The following ALDH5A1 variants were observed in gnomAD, a reference collection of about 807,000 sequenced individuals.
ALDH5A1 encodes succinate-semialdehyde dehydrogenase, mitochondrial.
Under a neutral mutation model 54.7 loss-of-function variants are expected in ALDH5A1, and 33 were observed. That is an observed-to-expected ratio of 0.60 (90% CI 0.46 to 0.81). ALDH5A1 has a LOEUF of 0.81. Ranked by LOEUF, ALDH5A1 falls within the 30% of genes least tolerant of loss-of-function variation. The pLI, the probability that ALDH5A1 is intolerant of heterozygous loss-of-function variation, is 0.00. For missense variants in ALDH5A1, 657 were observed against 711.0 expected (o/e 0.92, Z 0.86); for synonymous variants, 294 against 292.7 (o/e 1.00, Z -0.05).
chr6:24,522,903 T>G lies in ALDH5A1; in HGVS notation c.1151T>G (p.Ile384Ser). ...GAAGGAACTACTCAGGGCCCATTAA[T>G]TAATGAAAAAGCGGTAGAAAAGGTA... ...FEEGTTQGPL[I>S]NEKAVEKVEK... is the part of the protein sequence containing the mutation. The change falls in exon 7 of 10, where the codon ATT becomes AGT. Residue 384 changes from isoleucine to serine, a missense_variant. By Grantham distance (142) the Ile-to-Ser change is moderately radical. Transcript: ENST00000357578. The G allele has an allele frequency of 6.2e-7, 1 of 1,614,008 alleles. No homozygotes were observed. The highest frequency in any genetic ancestry group is 1.1e-5 in the South Asian group (1 of 91,070).
At chr6:24,521,630 C>T (rs1300272552) in intron 6 of ALDH5A1, among the ~76,000 whole-genome samples, 1 of 152,188 alleles carries the variant, frequency 6.6e-6, no homozygotes, top group African/African-American at 2.4e-5. Context: ...TTCCCTTCCA[C>T]ATAACCTAAA....
chr6:24,497,319 G>A, intron 1 of ALDH5A1, among the ~76,000 whole-genome samples: 1 of 149,770 alleles, frequency 6.7e-6, no homozygotes, highest in East Asian at 1.9e-4. Flanking sequence ...CTGCTGATTG[G>A]TGCGTTTTAC....
At chr6:24,522,957 T>C (rs1428151584) in intron 7 of ALDH5A1, 32 bp downstream of exon 7, 1 of 1,606,144 alleles carries the variant, frequency 6.2e-7, no homozygotes, top group East Asian at 2.2e-5. Context: ...TGAAAGTAAA[T>C]TTCATGGTTT....
At chr6:24,531,672 C>T (rs1759938938) in intron 8 of ALDH5A1, among the ~76,000 whole-genome samples, 1 of 152,190 alleles carries the variant, frequency 6.6e-6, no homozygotes, top group Non-Finnish European at 1.5e-5. Flanking sequence ...CTCCAAGCAT[C>T]GTGCCATTGT....
Position 24,534,097 on chromosome 6 carries a change from G to C in ALDH5A1, c.*385G>C, listed in dbSNP as rs13218365. ...TCCCCCATGTCGCTACAGAACATGG[G>C]CCCAGAGCACCTTGAAGGAGACCCT... On this transcript the variant is annotated 3_prime_UTR_variant, in exon 10 of 10. Coordinates refer to ENST00000357578, the MANE Select transcript of ALDH5A1 (RefSeq NM_001080.3). 12,795 of 251,786 alleles carry C rather than the reference G, an allele frequency of 0.051. 440 individuals are homozygous for C. The highest frequency in any genetic ancestry group is 0.069 in the Non-Finnish European group (8,858 of 128,094). The allele number at this position is 251,786 out of a possible 1,614,324, so 15.6% of individuals were successfully genotyped here.
At chr6:24,527,434 C>T (rs1389324246) in intron 7 of ALDH5A1, among the ~76,000 whole-genome samples, 1 of 151,864 alleles carries the variant, frequency 6.6e-6, no homozygotes. Flanking sequence ...TAGCCGGGCG[C>T]GGTGGTGGGT....
chr6:24,518,250 A>T lies in ALDH5A1; in HGVS notation c.871-2151A>T, dbSNP rs996599081. Among the ~76,000 whole-genome samples, 4 of 152,222 alleles carry T rather than the reference A, an allele frequency of 2.6e-5. No individual in the cohort carries two copies. The highest frequency in any genetic ancestry group is 9.6e-5 in the African/African-American group (4 of 41,464). Reference sequence around the variant, plus strand: ...AAGAAAGGTAGGCTGGGCCAATCACATGCTGTCTTTGGAAGCTGAGGCCCT... The same window carrying T: ...AAGAAAGGTAGGCTGGGCCAATCACTTGCTGTCTTTGGAAGCTGAGGCCCT... On this transcript the variant is annotated intron_variant, in intron 5 of 9. Coordinates refer to ENST00000357578, the MANE Select transcript of ALDH5A1 (RefSeq NM_001080.3). This position sits in a 1 kb window ranked among gnomAD's most constrained non-coding sequence, Gnocchi z 4.2.
At chr6:24,527,934 G>A in intron 7 of ALDH5A1, 63 bp from the exon 8 acceptor site, 1 of 1,577,554 alleles carries the variant, frequency 6.3e-7, no homozygotes, top group Non-Finnish European at 8.7e-7. Flanking sequence ...ATAGTTTTCT[G>A]CAGTTTAAAC....
At chr6:24,526,453 A>C (rs1759798728) in intron 7 of ALDH5A1, among the ~76,000 whole-genome samples, 1 of 152,118 alleles carries the variant, frequency 6.6e-6, no homozygotes, top group Non-Finnish European at 1.5e-5. Context: ...TTAAAGTATA[A>C]TAATAATAAA....
Position 24,520,408 on chromosome 6 carries a change from T to C in ALDH5A1, c.878T>C (p.Leu293Ser). The change falls in exon 6 of 10, where the codon TTG (leucine) becomes TCG (serine). Residue 293 changes from leucine (L) to serine (S), a missense_variant. Leu to Ser is a moderately radical substitution (Grantham distance 145, BLOSUM62 -2). Around this residue, in one of 2 missense-constraint regions of ALDH5A1, gnomAD observed 425 missense variants for 516.4 expected, o/e 0.82. Coordinates refer to ENST00000357578, the MANE Select transcript of ALDH5A1 (RefSeq NM_001080.3). Reference protein sequence around the residue: ...TGSTTTGKILLHHAANSVKRV... With the variant: ...TGSTTTGKILSHHAANSVKRV... ...TCTCTCCTCTGCTCACAGATCCTGT[T>C]GCACCACGCAGCAAACTCTGTGAAA... is the stretch of plus-strand genomic sequence containing the variant. 1.9e-6 allele frequency: 3 copies of C among 1,614,116 alleles called. No homozygotes were observed. Among genetic ancestry groups the C allele is most frequent in the African/African-American group, 1.3e-5 (1 of 75,042 alleles).
At chr6:24,515,777 T>G (rs1177850608) in intron 5 of ALDH5A1, among the ~76,000 whole-genome samples, 1 of 152,168 alleles carries the variant, frequency 6.6e-6, no homozygotes, top group Non-Finnish European at 1.5e-5. Flanking sequence ...TGGGGATATT[T>G]TGGACAGTTC....
intron 1 of ALDH5A1, among the ~76,000 whole-genome samples, chr6:24,499,819 C>T (rs552790745): frequency 3.7e-4 from 56 of 152,196 alleles, no homozygotes; most frequent in African/African-American, 8.4e-4. Context: ...CCACCATGCC[C>T]GGGTAATTTT....
Position 24,506,243 on chromosome 6 carries a change from C to CTTTT in ALDH5A1, c.726+1285_726+1288dup, listed in dbSNP as rs70974913. 5.8e-4 allele frequency among the ~76,000 whole-genome samples: 30 copies of CTTTT among 52,160 alleles called. 7 individuals are homozygous for CTTTT. Among genetic ancestry groups the CTTTT allele is most frequent in the African/African-American group, 5.9e-4 (8 of 13,534 alleles). 34.2% of individuals were successfully genotyped at this position (52,160 alleles called of 152,430 possible). A position where few individuals can be genotyped will look rare whatever the true frequency, so the allele number is the denominator to read the frequency against. ...TCTGCACCTCCTTCTTTCCTGGTTC[C>CTTTT]TTTTTTTTTTTTTTTTTTTTTTTTT... On this transcript the variant is annotated intron_variant, in intron 4 of 9. Coordinates refer to ENST00000357578, the MANE Select transcript of ALDH5A1 (RefSeq NM_001080.3).
Position 24,502,545 on chromosome 6 carries a change from A to T in ALDH5A1, c.377A>T (p.Lys126Met). ...SAKERSSLLR[K>M]WYNLMIQNKD... ...CAGGAGAGGAGTTCATTACTTCGGA[A>T]GTGGTACAATTTAATGATACAAAAT... The change falls in exon 2 of 10, where the codon AAG (lysine) becomes ATG (methionine). Residue 126 changes from lysine to methionine, a missense_variant. This residue lies in a region of ALDH5A1 where 232 missense variants were observed against 194.6 expected (regional missense o/e 1.19). Transcript: ENST00000357578. 6.2e-7 allele frequency: 1 copy of T among 1,613,146 alleles called. No individual in the cohort carries two copies. The highest frequency in any genetic ancestry group is 8.5e-7 in the Non-Finnish European group (1 of 1,179,082).
rs1310999766 is a variant in ALDH5A1, at chr6:24,536,730, A to C, written c.*3018A>C. The C allele has an allele frequency of 6.6e-6, 1 of 152,288 alleles. No homozygotes were observed. Among genetic ancestry groups the C allele is most frequent in the Admixed American group, 6.5e-5 (1 of 15,272 alleles). The allele number at this position is 152,288 out of a possible 1,614,324, so 9.4% of individuals were successfully genotyped here. A position where few individuals can be genotyped will look rare whatever the true frequency, so the allele number is the denominator to read the frequency against. On this transcript the variant is annotated 3_prime_UTR_variant, in exon 10 of 10. Coordinates refer to ENST00000357578, the MANE Select transcript of ALDH5A1 (RefSeq NM_001080.3). ...AAACAATTATCCTTGAACTTCCTCC[A>C]GCTATGCAGGGATTCTCATTAAAGA...
chr6:24,528,422 G>A (rs571628932), intron 8 of ALDH5A1, among the ~76,000 whole-genome samples: 1 of 152,108 alleles, frequency 6.6e-6, no homozygotes, highest in East Asian at 1.9e-4. Context: ...CAGTGCAATG[G>A]TGCGATCTTG....
intron 5 of ALDH5A1, among the ~76,000 whole-genome samples, chr6:24,519,870 T>C (rs1049720200): frequency 6.6e-6 from 1 of 152,110 alleles, no homozygotes; most frequent in African/African-American, 2.4e-5. Context: ...GGTGATTTTA[T>C]TTTCTTATCT....
chr6:24,514,407 T>C (rs529529164), intron 4 of ALDH5A1, among the ~76,000 whole-genome samples: 1 of 152,324 alleles, frequency 6.6e-6, no homozygotes, highest in African/African-American at 2.4e-5. Flanking sequence ...GGTTTTTTTA[T>C]TTGCTTCTTT....
chr6:24,497,810 G>A (rs1406243175), intron 1 of ALDH5A1, among the ~76,000 whole-genome samples: 1 of 152,174 alleles, frequency 6.6e-6, no homozygotes, highest in African/African-American at 2.4e-5. Flanking sequence ...TTTACTTTGA[G>A]TAAAGAGGGG....
Sources: gnomAD v4.1 joint callset for allele counts (sites outside exome capture counted in the v4.1 genomes callset) on GRCh38, gnomAD v4.1.1 for gene constraint, gnomAD v4.1.1 regional missense constraint, Gnocchi (gnomAD v3.1) non-coding constraint, MANE v1.5 for transcripts, NCBI Gene and HGNC (gene_info 2026-07-23, HGNC 2026-07-21) for gene names.